Variants in IFT81 observed in about 807,000 individuals in gnomAD.
IFT81 encodes intraflagellar transport 81, also known as intraflagellar transport protein 81 homolog.
Under a neutral mutation model 102.6 loss-of-function variants are expected in IFT81, and 72 were observed. The observed-to-expected ratio is 0.70, with a 90% CI of 0.58 to 0.85. IFT81 has a LOEUF of 0.85. Among genes scored for constraint, IFT81 ranks in the 40% least tolerant of loss-of-function variants. IFT81 has a pLI of 0.00. For synonymous variants in IFT81, 237 were observed against 242.7 expected (o/e 0.98, Z 0.22); for missense variants, 723 against 787.3 (o/e 0.92, Z 0.98).
rs1168134848 is a variant in IFT81, at chr12:110,127,479, A to G, written c.99A>G (p.Gln33=). ...LITFDSLEPM[Q]LLQVLSDVLA... ...CGTTTGATTCCTTGGAGCCAATGCAACTATTACAAGTTCTCAGTGATGTTC... is the reference window on the plus strand; with the variant it reads ...CGTTTGATTCCTTGGAGCCAATGCAGCTATTACAAGTTCTCAGTGATGTTC... Residue 33 remains glutamine (Q), a synonymous_variant, in exon 2 of 19, where the codon CAA becomes CAG. Transcript: ENST00000242591. 5.6e-6 allele frequency: 9 copies of G among 1,610,182 alleles called. No homozygotes were observed. Among genetic ancestry groups the G allele is most frequent in the Non-Finnish European group, 7.6e-6 (9 of 1,178,588 alleles).
Position 110,195,639 on chromosome 12 carries a change from C to T in IFT81, c.1557+2933C>T, listed in dbSNP as rs868688028. Among the ~76,000 whole-genome samples the T allele has an allele frequency of 5.3e-5, 8 of 152,264 alleles. No individual in the cohort carries two copies. In the South Asian group the frequency reaches 1.0e-3, roughly 20 times the overall value. Reference sequence around the variant, plus strand: ...CATTCTCCTCTGTTACCCTACTTCTCGCTTTGGTTTTCAGCTCTAGACCTG... The same window carrying T: ...CATTCTCCTCTGTTACCCTACTTCTTGCTTTGGTTTTCAGCTCTAGACCTG... On this transcript the variant is annotated intron_variant, in intron 14 of 18. Coordinates refer to ENST00000242591, the MANE Select transcript of IFT81 (RefSeq NM_014055.4).
At chr12:110,135,499 T>G (rs1894438621) in intron 7 of IFT81, 62 bp downstream of exon 7, 6 of 975,068 alleles carry the variant, frequency 6.2e-6, no homozygotes, top group Non-Finnish European at 9.4e-6. Flanking sequence ...ATAATCCAAA[T>G]GTAAAGAAAA....
At chr12:110,142,244 T>C (rs1894934548) in intron 8 of IFT81, among the ~76,000 whole-genome samples, 2 of 152,168 alleles carry the variant, frequency 1.3e-5, no homozygotes, top group South Asian at 4.1e-4. Context: ...CTTGGCTCAG[T>C]GCATCCTCTT....
intron 10 of IFT81, among the ~76,000 whole-genome samples, chr12:110,155,754 C>T (rs1195629848): frequency 3.3e-5 from 5 of 152,020 alleles, no homozygotes; most frequent in South Asian, 2.1e-4. Flanking sequence ...TTTTGTTCCT[C>T]GTTTCCTGCT....
At chr12:110,211,366 T>C (rs943345888) in intron 18 of IFT81, among the ~76,000 whole-genome samples, 6 of 151,910 alleles carry the variant, frequency 3.9e-5, no homozygotes, top group Non-Finnish European at 8.8e-5. Flanking sequence ...TTTGGAGAAC[T>C]AGAAAGGCAA....
At chr12:110,125,096 G>C (rs1477907943) in intron 1 of IFT81, among the ~76,000 whole-genome samples, 2 of 151,554 alleles carry the variant, frequency 1.3e-5, no homozygotes, top group East Asian at 3.9e-4. Flanking sequence ...TTTTTTAAGG[G>C]AAAAAAGAGT....
chr12:110,204,118 A>G (rs985142841), intron 15 of IFT81, 168 bp downstream of exon 15: 21 of 535,290 alleles, frequency 3.9e-5, no homozygotes, highest in Non-Finnish European at 6.0e-5. Flanking sequence ...CCACAGAGCA[A>G]GACTCTCTCT....
chr12:110,130,909 A>T (rs1894125911), intron 4 of IFT81, among the ~76,000 whole-genome samples: 1 of 152,150 alleles, frequency 6.6e-6, no homozygotes, highest in Non-Finnish European at 1.5e-5. Flanking sequence ...ATCTTTTGGA[A>T]TGAAGGGTCT....
At chr12:110,135,115 TGAGGATG>T in intron 6 of IFT81, 102 bp downstream of exon 6, 1 of 909,252 alleles carries the variant, frequency 1.1e-6, no homozygotes, top group Middle Eastern at 2.2e-4. Flanking sequence ...AGTGTACATC[TGAGGATG>T]GACTCAAATA....
chr12:110,200,649 A>T (rs1898217163), intron 14 of IFT81, among the ~76,000 whole-genome samples: 1 of 152,020 alleles, frequency 6.6e-6, no homozygotes, highest in South Asian at 2.1e-4. Flanking sequence ...AAGTAACCTT[A>T]GCTTACCGTA....
intron 14 of IFT81, among the ~76,000 whole-genome samples, chr12:110,194,429 A>AT (rs202167301): frequency 1.5e-3 from 226 of 149,732 alleles, no homozygotes; most frequent in African/African-American, 1.9e-3. Context: ...TGAAATATTC[A>AT]TTTTTTTTTT....
intron 14 of IFT81, among the ~76,000 whole-genome samples, chr12:110,201,432 GT>G: frequency 6.7e-6 from 1 of 149,516 alleles, no homozygotes; most frequent in Non-Finnish European, 1.5e-5. Flanking sequence ...AAAAATTTTT[GT>G]TTTTTGTTTT....
chr12:110,211,312 A>G (rs961038232), intron 18 of IFT81, among the ~76,000 whole-genome samples: 4 of 151,222 alleles, frequency 2.6e-5, no homozygotes, highest in African/African-American at 9.7e-5. Flanking sequence ...GCCTCAGCGG[A>G]CTACAGGAGT....
rs548883851 is a variant in IFT81 at position 110,137,294 on chromosome 12, C to T, written c.781+434C>T. Among the ~76,000 whole-genome samples the T allele has an allele frequency of 1.2e-3, 177 of 152,192 alleles. 1 individual carries two copies. The highest frequency in any genetic ancestry group is 0.01 in the Middle Eastern group (3 of 294). ...GGCAGAGGTTGCAGTGAGCCGAGAC[C>T]GCGCCACTGCAGCCCAGCCTGGGCG... is the stretch of plus-strand genomic sequence containing the variant. On this transcript the variant is annotated intron_variant, in intron 8 of 18. Coordinates refer to ENST00000242591, the MANE Select transcript of IFT81 (RefSeq NM_014055.4).
chr12:110,160,327 C>T (rs568194366), intron 10 of IFT81, among the ~76,000 whole-genome samples: 69 of 152,280 alleles, frequency 4.5e-4, no homozygotes, highest in African/African-American at 1.5e-3. Context: ...CCAGGGAAGA[C>T]GACAGTGCAG....
At chr12:110,158,150 A>G (rs957250241) in intron 10 of IFT81, among the ~76,000 whole-genome samples, 3 of 152,090 alleles carry the variant, frequency 2.0e-5, no homozygotes, top group Non-Finnish European at 4.4e-5. Flanking sequence ...AACTCACTGC[A>G]ACCTCCACCT....
chr12:110,188,568 G>T (rs1897654674), intron 12 of IFT81, among the ~76,000 whole-genome samples: 1 of 151,304 alleles, frequency 6.6e-6, no homozygotes, highest in African/African-American at 2.4e-5. Flanking sequence ...CTTTCCTTTT[G>T]GTTCTTTCAT....
At chr12:110,135,824 G>A (rs1305598997) in intron 7 of IFT81, among the ~76,000 whole-genome samples, 3 of 144,244 alleles carry the variant, frequency 2.1e-5, no homozygotes, top group Middle Eastern at 3.9e-3. Flanking sequence ...CTGAGATCAC[G>A]CCACCACACT....
chr12:110,159,167 T>C (rs1896007647), intron 10 of IFT81, among the ~76,000 whole-genome samples: 1 of 152,196 alleles, frequency 6.6e-6, no homozygotes, highest in African/African-American at 2.4e-5. Context: ...AAGGATAGGC[T>C]AAAGTGTAAA....
Sources: gnomAD v4.1 joint callset for allele counts (sites outside exome capture counted in the v4.1 genomes callset) on GRCh38, gnomAD v4.1.1 for gene constraint, MANE v1.5 for transcripts, NCBI Gene and HGNC (gene_info 2026-07-23, HGNC 2026-07-21) for gene names.